Variants in IQSEC2 observed in about 807,000 individuals in gnomAD.
The protein encoded by IQSEC2 is IQ motif and SEC7 domain-containing protein 2.
Under a neutral mutation model 74.6 loss-of-function variants are expected in IQSEC2, and 6 were observed. That is an observed-to-expected ratio of 0.08 (90% CI 0.04 to 0.16). The LOEUF is 0.16. Ranked by LOEUF, IQSEC2 falls within the 10% of genes least tolerant of loss-of-function variation. The pLI is 1.00. For missense variants in IQSEC2, 734 were observed against 1,306.2 expected (o/e 0.56, Z 6.75); for synonymous variants, 494 against 544.5 (o/e 0.91, Z 1.29).
At position 53,238,173 on chromosome X, in the gene IQSEC2, C is replaced by T. The variant is rs375024113; in HGVS notation, c.3249G>A (p.Val1083=). The T allele has an allele frequency of 5.0e-6, 6 of 1,203,500 alleles. No individual in the cohort carries two copies. Among genetic ancestry groups the T allele is most frequent in the Non-Finnish European group, 6.7e-6 (6 of 892,352 alleles). ...CCACACGGTATTTCTCCATCTCCTG[C>T]ACCTCCGCAATGGACTCGCGCAGGT... is the stretch of plus-strand genomic sequence containing the variant. ...TSDLRESIAE[V]QEMEKYRVES... Residue 1083 remains valine, a synonymous_variant, in exon 12 of 15, where the codon GTG becomes GTA. Transcript: ENST00000642864.
At chrX:53,304,511 T>C (rs1251086102) in intron 1 of IQSEC2, among the ~76,000 whole-genome samples, 2 of 112,204 alleles carry the variant, frequency 1.8e-5, no homozygotes, top group African/African-American at 6.5e-5. Context: ...ATGATGTTGA[T>C]GATGATGACA....
chrX:53,255,690 C>T (rs1485221593), intron 3 of IQSEC2, 110 bp downstream of exon 3: 1 of 953,629 alleles, frequency 1.0e-6, no homozygotes, highest in Non-Finnish European at 1.5e-6. Context: ...TCTCCAATTC[C>T]AGCCTCATTA....
chrX:53,280,474 C>T (rs922040350), intron 2 of IQSEC2, among the ~76,000 whole-genome samples: 29 of 109,807 alleles, frequency 2.6e-4, no homozygotes, highest in African/African-American at 9.3e-4. Flanking sequence ...AGCGCCAGAG[C>T]AGAGGAGGGT....
chrX:53,285,857 CTG>C (rs2075020634), intron 2 of IQSEC2, among the ~76,000 whole-genome samples: 1 of 112,818 alleles, frequency 8.9e-6, no homozygotes, highest in Admixed American at 9.3e-5. Flanking sequence ...GACATCGCTC[CTG>C]TGTCTGGAGA....
At position 53,250,452 on chromosome X, in the gene IQSEC2, G is replaced by A. The variant is rs2074368214; in HGVS notation, c.2124C>T (p.Thr708=). The A allele has an allele frequency of 8.3e-7, 1 of 1,211,560 alleles. No individual in the cohort carries two copies. The highest frequency in any genetic ancestry group is 1.1e-6 in the Non-Finnish European group (1 of 895,318). The change falls in exon 5 of 15, where the codon ACC becomes ACT. Residue 708 remains threonine (T), a synonymous_variant. Transcript: ENST00000642864. ...AAGAGGAGCCGGAGCTGCAGTTGAT[G>A]GTCTCATTGGAATTGCTGGAGCTCT... is the stretch of plus-strand genomic sequence containing the variant. ...SLESSSNSNE[T]INCSSGSSSR...
chrX:53,256,168 C>A, intron 2 of IQSEC2, 107 bp from the exon 3 acceptor site: 1 of 793,711 alleles, frequency 1.3e-6, no homozygotes, highest in Non-Finnish European at 1.8e-6. Flanking sequence ...CCCATCCACC[C>A]CAGCTTCCTC....
rs1556859307 is a variant in IQSEC2, at chrX:53,235,113, C to T, written c.3573G>A (p.Glu1191=). 1.8e-6 allele frequency: 2 copies of T among 1,102,959 alleles called. No individual in the cohort carries two copies. The highest frequency in any genetic ancestry group is 2.0e-5 in the South Asian group (1 of 51,188). 90.9% of individuals were successfully genotyped at this position (1,102,959 alleles called of 1,213,427 possible). ...PPPPPPPPPE[E]YKSQRPVSNS... ...TGGAGACGGGCCTCTGGCTCTTGTACTCCTCTGGCGGCGGGGGTGGGGGCG... is the reference window on the plus strand; with the variant it reads ...TGGAGACGGGCCTCTGGCTCTTGTATTCCTCTGGCGGCGGGGGTGGGGGCG... Residue 1191 remains glutamate (E), a synonymous_variant, in exon 15 of 15, where the codon GAG becomes GAA. Transcript: ENST00000642864.
intron 2 of IQSEC2, among the ~76,000 whole-genome samples, chrX:53,263,812 G>A (rs910109007): frequency 7.2e-5 from 8 of 111,764 alleles, no homozygotes; most frequent in African/African-American, 2.3e-4. Flanking sequence ...CTTTCTTCCT[G>A]GCTAACTTGT....
chrX:53,255,004 A>C, intron 3 of IQSEC2, 73 bp from the exon 4 acceptor site: 7 of 1,001,888 alleles, frequency 7.0e-6, no homozygotes, highest in Non-Finnish European at 9.7e-6. Context: ...ACTCAACCAC[A>C]CCACCCCCAC....
chrX:53,268,678 C>G (rs1286461998), intron 2 of IQSEC2, among the ~76,000 whole-genome samples: 1 of 111,953 alleles, frequency 8.9e-6, no homozygotes, highest in East Asian at 2.8e-4. Context: ...TGCATCTCTT[C>G]TGCTCAGACA....
chrX:53,279,036 C>G (rs1182654270), intron 2 of IQSEC2: 1 of 111,247 alleles, frequency 9.0e-6, no homozygotes, highest in Non-Finnish European at 1.9e-5. Context: ...CAAAAATCAG[C>G]CAGGTGTAGT....
chrX:53,286,939 CAAAAAA>C (rs11464309), intron 2 of IQSEC2, among the ~76,000 whole-genome samples: 3 of 58,479 alleles, frequency 5.1e-5, no homozygotes, highest in East Asian at 5.5e-4. Flanking sequence ...GTATCCGGCT[CAAAAAA>C]AAAAAAAAAA....
chrX:53,281,986 C>A (rs969347278), intron 2 of IQSEC2, among the ~76,000 whole-genome samples: 2 of 112,354 alleles, frequency 1.8e-5, no homozygotes, highest in African/African-American at 6.5e-5. Context: ...AGTACAGAAA[C>A]CTTTCCATAG....
At chrX:53,240,724 C>A (rs1267323802) in intron 10 of IQSEC2, among the ~76,000 whole-genome samples, 3 of 110,608 alleles carry the variant, frequency 2.7e-5, no homozygotes, top group African/African-American at 9.8e-5. Context: ...CCCTAAAAGA[C>A]AAACATCTCT....
At chrX:53,292,137 G>A (rs893850947) in intron 1 of IQSEC2, among the ~76,000 whole-genome samples, 42 of 111,783 alleles carry the variant, frequency 3.8e-4, no homozygotes, top group African/African-American at 1.4e-3. Context: ...AGAGGAAGAC[G>A]GTGGTGCTGG....
chrX:53,232,380 G>A (rs1374156166), downstream of IQSEC2, among the ~76,000 whole-genome samples: 2 of 111,907 alleles, frequency 1.8e-5, no homozygotes, highest in African/African-American at 6.5e-5. Flanking sequence ...GGATGAGGAG[G>A]AGCTCCAAGG....
At chrX:53,314,781 T>C (rs782700412) in intron 1 of IQSEC2, among the ~76,000 whole-genome samples, 1 of 111,810 alleles carries the variant, frequency 8.9e-6, no homozygotes, top group South Asian at 3.7e-4. Context: ...GGAGCTGGAC[T>C]GCAGAACATG....
chrX:53,236,142 G>A (rs1244293884), intron 13 of IQSEC2, among the ~76,000 whole-genome samples, 180 bp downstream of exon 13: 1 of 112,531 alleles, frequency 8.9e-6, no homozygotes, highest in African/African-American at 3.2e-5. Flanking sequence ...CAAAAGCTGG[G>A]CTCCCCCTGC....
intron 2 of IQSEC2, among the ~76,000 whole-genome samples, chrX:53,282,109 A>G (rs2074975699): frequency 8.9e-6 from 1 of 112,699 alleles, no homozygotes; most frequent in Non-Finnish European, 1.9e-5. Context: ...TGGGGTATCA[A>G]GATGGGGCCC....
Sources: gnomAD v4.1 joint callset for allele counts (sites outside exome capture counted in the v4.1 genomes callset) on GRCh38, gnomAD v4.1.1 for gene constraint, MANE v1.5 for transcripts, NCBI Gene and HGNC (gene_info 2026-07-23, HGNC 2026-07-21) for gene names.